The following UNC13C variants were observed in gnomAD, a reference collection of about 807,000 sequenced individuals.
The protein encoded by UNC13C is unc-13 homolog C.
Under a neutral mutation model 245.4 loss-of-function variants are expected in UNC13C, and 174 were observed. The observed-to-expected ratio is 0.71, with a 90% CI of 0.63 to 0.80. The LOEUF (loss-of-function observed/expected upper bound fraction) is 0.80, where lower values mean the gene tolerates loss of function less well. Among genes scored for constraint, UNC13C ranks in the 30% least tolerant of loss-of-function variants. The pLI is 0.00. For missense variants in UNC13C, 2,829 were observed against 2,602.9 expected (o/e 1.09, Z -1.89); for synonymous variants, 992 against 895.1 (o/e 1.11, Z -1.93).
At chr15:54,379,873 A>G (rs1020918804) in intron 17 of UNC13C, among the ~76,000 whole-genome samples, 1 of 152,104 alleles carries the variant, frequency 6.6e-6, no homozygotes, top group African/African-American at 2.4e-5. Flanking sequence ...TGAAAGATAA[A>G]TTGAATGTAT....
intron 19 of UNC13C, among the ~76,000 whole-genome samples, chr15:54,470,471 G>C (rs1044490870): frequency 6.6e-6 from 1 of 151,400 alleles, no homozygotes; most frequent in Non-Finnish European, 1.5e-5. Context: ...TTCAGTCTTG[G>C]TAGGTTATAT....
chr15:54,420,291 G>T (rs970064451), intron 19 of UNC13C, among the ~76,000 whole-genome samples: 2 of 151,966 alleles, frequency 1.3e-5, no homozygotes, highest in African/African-American at 4.8e-5. Flanking sequence ...GAGTAGTTGC[G>T]GGCTGTCAGC....
At chr15:53,917,163 C>G in the UNC13C span, among the ~76,000 whole-genome samples, 1 of 152,186 alleles carries the variant, frequency 6.6e-6, no homozygotes, top group Non-Finnish European at 1.5e-5. Flanking sequence ...TTCTTCCCCA[C>G]ACTATCACTA....
intron 19 of UNC13C, among the ~76,000 whole-genome samples, chr15:54,449,071 AT>A (rs1228412729): frequency 1.3e-5 from 2 of 152,114 alleles, no homozygotes; most frequent in African/African-American, 4.8e-5. Context: ...TGGGTTGAAA[AT>A]TCTTTTCTTT....
In UNC13C at chr15:53,978,923, C is replaced by T. The variant is rs1893811714; in HGVS notation, c.-261C>T. Among the ~76,000 whole-genome samples, 1 of 152,092 alleles carries T rather than the reference C, an allele frequency of 6.6e-6. No individual in the cohort carries two copies. Among genetic ancestry groups the T allele is most frequent in the Admixed American group, 6.5e-5 (1 of 15,274 alleles). On this transcript the variant is annotated 5_prime_UTR_variant, in exon 1 of 33. Transcript: ENST00000260323. ...CACATTTTTTTTTAAAGGAGAATTC[C>T]TCAGGTATGTTCTTTCCTCCGTTGC...
chr15:54,458,633 T>C, intron 19 of UNC13C, among the ~76,000 whole-genome samples: 1 of 151,008 alleles, frequency 6.6e-6, no homozygotes, highest in East Asian at 1.9e-4. Context: ...CCTTTTATCA[T>C]TATAGAATGT....
Position 54,443,561 on chromosome 15 carries a change from G to A in UNC13C, c.4933+28494G>A, listed in dbSNP as rs139785529. ...TTTATTGCTAAAAATTTCCCTCTTA[G>A]CACTGCTTTGACTTTATCACATATA... On this transcript the variant is annotated intron_variant, in intron 19 of 32. Transcript: ENST00000260323. Among the ~76,000 whole-genome samples, 57 of 151,914 alleles carry A rather than the reference G, an allele frequency of 3.8e-4. No homozygotes were observed. In the East Asian group the frequency reaches 8.1e-3, roughly 22 times the overall value.
Position 54,413,396 on chromosome 15 carries a change from C to T in UNC13C, c.4848-1586C>T, listed in dbSNP as rs966261941. Among the ~76,000 whole-genome samples, 12 of 151,848 alleles carry T rather than the reference C, an allele frequency of 7.9e-5. No homozygotes were observed. The South Asian group carries it at 8.3e-4, about 11-fold the overall frequency. ...ATTATATCACTTATAATTTTGATGC[C>T]GCATATTAATTACATAAAATCTAAT... On this transcript the variant is annotated intron_variant, in intron 18 of 32. Transcript: ENST00000260323.
intron 4 of UNC13C, among the ~76,000 whole-genome samples, chr15:54,178,543 G>C (rs1021338266): frequency 1.3e-5 from 2 of 152,218 alleles, no homozygotes; most frequent in East Asian, 3.9e-4. Context: ...CTGTGGAAAC[G>C]AAAAGGATTA....
chr15:54,539,976 G>A (rs1328379217), intron 26 of UNC13C, among the ~76,000 whole-genome samples: 2 of 152,070 alleles, frequency 1.3e-5, no homozygotes, highest in East Asian at 3.9e-4. Flanking sequence ...AATAATCTAT[G>A]AGCTTTAAGC....
chr15:54,125,158 C>T (rs1271756255), intron 2 of UNC13C, among the ~76,000 whole-genome samples: 1 of 152,058 alleles, frequency 6.6e-6, no homozygotes. Flanking sequence ...GAACTCTTGT[C>T]CTTAAATATA....
the UNC13C span, among the ~76,000 whole-genome samples, chr15:53,892,596 T>A: frequency 6.6e-6 from 1 of 152,186 alleles, no homozygotes; most frequent in Non-Finnish European, 1.5e-5. Flanking sequence ...TCTCTAATCT[T>A]GTCTTCTCAC....
At chr15:54,356,509 A>T (rs560266649) in intron 17 of UNC13C, among the ~76,000 whole-genome samples, 3 of 152,302 alleles carry the variant, frequency 2.0e-5, no homozygotes, top group Non-Finnish European at 4.4e-5. Flanking sequence ...GAAGTTCAAG[A>T]TCAAGATGCC....
At chr15:54,091,954 A>G (rs907132759) in intron 2 of UNC13C, among the ~76,000 whole-genome samples, 1 of 152,210 alleles carries the variant, frequency 6.6e-6, no homozygotes, top group East Asian at 1.9e-4. Context: ...TTTCAAGAAC[A>G]TGAAAACAGT....
chr15:53,975,312 A>G (rs1413086975), upstream of UNC13C, among the ~76,000 whole-genome samples: 2 of 152,208 alleles, frequency 1.3e-5, no homozygotes, highest in East Asian at 3.9e-4. Context: ...ATTTACTTAT[A>G]TAGAGCTAGA....
chr15:53,893,972 C>T, the UNC13C span, among the ~76,000 whole-genome samples: 2 of 152,228 alleles, frequency 1.3e-5, no homozygotes, highest in Admixed American at 1.3e-4. Context: ...CCTGGTGGGG[C>T]AGGCACTGGA....
chr15:54,376,427 A>T (rs1453771058), intron 17 of UNC13C, among the ~76,000 whole-genome samples: 1 of 152,184 alleles, frequency 6.6e-6, no homozygotes, highest in Admixed American at 6.5e-5. Context: ...TACGAGTTTA[A>T]ATTTTATAAA....
chr15:54,131,220 A>G (rs1389590132), intron 2 of UNC13C, among the ~76,000 whole-genome samples: 1 of 152,218 alleles, frequency 6.6e-6, no homozygotes, highest in Admixed American at 6.5e-5. Flanking sequence ...ACCAGAGGGA[A>G]GAATCCTTCC....
At chr15:54,253,132 T>A (rs930646907) in intron 8 of UNC13C, among the ~76,000 whole-genome samples, 1 of 152,246 alleles carries the variant, frequency 6.6e-6, no homozygotes, top group Admixed American at 6.5e-5. Context: ...TCTCTACATG[T>A]GGTCTGACCA....
Sources: allele counts gnomAD v4.1 joint callset (sites outside exome capture counted in the v4.1 genomes callset), GRCh38; gene constraint gnomAD v4.1.1; transcripts MANE v1.5; gene names NCBI Gene and HGNC (gene_info 2026-07-23, HGNC 2026-07-21).